SLC8A1: variants seen among roughly 807,000 people sequenced by gnomAD.
SLC8A1 encodes solute carrier family 8 member A1, also known as sodium/calcium exchanger 1.
A neutral mutation model predicts 68.3 loss-of-function variants in SLC8A1; 18 were observed. The ratio of observed to expected loss-of-function variants is 0.26; its 90% CI spans 0.18 to 0.39. The LOEUF is 0.39. Ranked by LOEUF, SLC8A1 falls within the 10% of genes least tolerant of loss-of-function variation. The pLI, the probability that SLC8A1 is intolerant of heterozygous loss-of-function variation, is 1.00. For synonymous variants in SLC8A1, 475 were observed against 415.5 expected, an observed-to-expected ratio of 1.14 and a Z score of -1.74; for missense variants, 985 against 1,156.7, an observed-to-expected ratio of 0.85 and a Z score of 2.15.
intron 1 of SLC8A1, among the ~76,000 whole-genome samples, chr2:40,491,960 C>A (rs1024744392): frequency 6.6e-5 from 10 of 152,132 alleles, no homozygotes; most frequent in African/African-American, 2.4e-4. Flanking sequence ...ATCAAGCTAC[C>A]AATGACTTTC....
intron 2 of SLC8A1, among the ~76,000 whole-genome samples, chr2:40,311,097 T>G (rs978280039): frequency 7.2e-5 from 11 of 152,130 alleles, no homozygotes; most frequent in African/African-American, 2.4e-4. Context: ...TTAAGTACAT[T>G]AATAGATTAG....
rs1249107122 is a variant in SLC8A1, at chr2:40,215,409, G to A, written c.1809-37554C>T. On this transcript the variant is annotated intron_variant, in intron 2 of 7. Coordinates refer to ENST00000406785, the Ensembl canonical transcript of SLC8A1. ...TCCCAGCACTTTGGGAGGCCGAGGC[G>A]GGTGGATCATGAGGTCAGGAGATCG... Among the ~76,000 whole-genome samples, 14 of 151,950 alleles carry A rather than the reference G, an allele frequency of 9.2e-5. No individual in the cohort carries two copies. In the South Asian group the frequency reaches 1.2e-3, roughly 14 times the overall value.
At chr2:40,486,175 C>T (rs1704958581) in intron 1 of SLC8A1, among the ~76,000 whole-genome samples, 1 of 152,162 alleles carries the variant, frequency 6.6e-6, no homozygotes, top group Non-Finnish European at 1.5e-5. Context: ...AAAAAGGTGC[C>T]TTGCTTCCCT....
chr2:40,352,366 C>T (rs1671366393), intron 2 of SLC8A1, among the ~76,000 whole-genome samples: 1 of 152,122 alleles, frequency 6.6e-6, no homozygotes, highest in African/African-American at 2.4e-5. Flanking sequence ...TGTTTGATTT[C>T]AACCAATGTC....
chr2:40,390,145 T>C (rs1684829451), intron 2 of SLC8A1, among the ~76,000 whole-genome samples: 3 of 152,096 alleles, frequency 2.0e-5, no homozygotes, highest in South Asian at 4.1e-4. Context: ...CTAGTCACTG[T>C]AGTAAAGTAA....
chr2:40,138,293 A>G (rs1204551711), intron 7 of SLC8A1, among the ~76,000 whole-genome samples: 2 of 152,218 alleles, frequency 1.3e-5, no homozygotes, highest in Admixed American at 6.5e-5. Flanking sequence ...GACTCAAACC[A>G]AAAGTCAGGC....
intron 1 of SLC8A1, among the ~76,000 whole-genome samples, chr2:40,485,006 T>G (rs1704866710): frequency 6.6e-6 from 1 of 152,198 alleles, no homozygotes; most frequent in Non-Finnish European, 1.5e-5. Context: ...TGACATCTGC[T>G]AAATTCAAAG....
chr2:40,395,317 C>T (rs1000154614), intron 2 of SLC8A1, among the ~76,000 whole-genome samples: 2 of 152,150 alleles, frequency 1.3e-5, no homozygotes, highest in African/African-American at 4.8e-5. Flanking sequence ...TAAATCAGAT[C>T]TCAAATCTGA....
At chr2:40,374,844 C>G (rs2149523009) in intron 2 of SLC8A1, among the ~76,000 whole-genome samples, 1 of 152,040 alleles carries the variant, frequency 6.6e-6, no homozygotes, top group African/African-American at 2.4e-5. Flanking sequence ...TGTTTAAGGA[C>G]TTTTTTTAAG....
intron 2 of SLC8A1, among the ~76,000 whole-genome samples, chr2:40,194,062 A>G (rs990420919): frequency 6.6e-6 from 1 of 152,156 alleles, no homozygotes; most frequent in African/African-American, 2.4e-5. Flanking sequence ...CGATGGAGGT[A>G]GTAAAATACG....
chr2:40,302,232 A>G (rs1185323620), intron 2 of SLC8A1, among the ~76,000 whole-genome samples: 3 of 150,790 alleles, frequency 2.0e-5, no homozygotes, highest in African/African-American at 7.3e-5. Context: ...CTTCCCTCCT[A>G]CCCTTCCCTC....
rs201138823 is a variant in SLC8A1 at position 40,318,046 on chromosome 2, G to C, written c.1808+110427C>G. Among the ~76,000 whole-genome samples the C allele has an allele frequency of 1.2e-4, 18 of 152,122 alleles. No homozygotes were observed. In the East Asian group the frequency reaches 1.4e-3, roughly 11 times the overall value. On this transcript the variant is annotated intron_variant, in intron 2 of 7. Coordinates refer to ENST00000406785, the Ensembl canonical transcript of SLC8A1. ...AGTGCAAGCTTTGATTTGAAAGAAG[G>C]CACTAAATATGGATTCACGGCAACA...
intron 2 of SLC8A1, among the ~76,000 whole-genome samples, chr2:40,319,049 G>A (rs1389520649): frequency 1.3e-5 from 2 of 152,028 alleles, no homozygotes; most frequent in African/African-American, 4.8e-5. Context: ...AGTGAGACAG[G>A]AATACCCAGC....
chr2:40,290,383 G>T (rs969488513), intron 2 of SLC8A1, among the ~76,000 whole-genome samples: 5 of 152,120 alleles, frequency 3.3e-5, no homozygotes, highest in Admixed American at 6.6e-5. Flanking sequence ...GATAGCATTA[G>T]ATTTTAAACT....
chr2:40,248,952 T>C (rs1278131985), intron 2 of SLC8A1, among the ~76,000 whole-genome samples: 1 of 152,220 alleles, frequency 6.6e-6, no homozygotes, highest in Non-Finnish European at 1.5e-5. Context: ...TTTAATTTGA[T>C]TCCACATCAC....
intron 1 of SLC8A1, among the ~76,000 whole-genome samples, chr2:40,451,179 A>C (rs1041248016): frequency 2.6e-5 from 4 of 152,210 alleles, no homozygotes; most frequent in Non-Finnish European, 5.9e-5. Flanking sequence ...CCCAAGAGCC[A>C]GCAAAGCTCC....
At chr2:40,354,216 G>A (rs1480067727) in intron 2 of SLC8A1, among the ~76,000 whole-genome samples, 2 of 152,276 alleles carry the variant, frequency 1.3e-5, no homozygotes, top group East Asian at 1.9e-4. Context: ...ATTTTAAGCT[G>A]CTGGATTGTT....
Position 40,317,799 on chromosome 2 carries a change from A to T in SLC8A1, c.1808+110674T>A, listed in dbSNP as rs147138071. On this transcript the variant is annotated intron_variant, in intron 2 of 7. Transcript: ENST00000406785. ...ATGGCAATGTTTAAAATGTTTAAAG[A>T]AAACAGTAAATTTGTGTTATGTCCC... Among the ~76,000 whole-genome samples the T allele has an allele frequency of 3.5e-3, 532 of 152,254 alleles. 5 individuals are homozygous for T. The highest frequency in any genetic ancestry group is 0.012 in the African/African-American group (504 of 41,568).
At chr2:40,350,911 C>A (rs530872955) in intron 2 of SLC8A1, among the ~76,000 whole-genome samples, 1 of 152,042 alleles carries the variant, frequency 6.6e-6, no homozygotes, top group Non-Finnish European at 1.5e-5. Context: ...AAAATTGGGG[C>A]TTTAAGAGGT....
Sources: allele counts gnomAD v4.1 joint callset (sites outside exome capture counted in the v4.1 genomes callset), GRCh38; gene constraint gnomAD v4.1.1; transcripts MANE v1.5; gene names NCBI Gene and HGNC (gene_info 2026-07-23, HGNC 2026-07-21).